LDAH: variants seen among roughly 807,000 people sequenced by gnomAD.
LDAH encodes the protein lipid droplet associated hydrolase.
LDAH carries 26 observed loss-of-function variants against 29.6 expected under a neutral mutation model. The observed-to-expected ratio is 0.88, with a 90% confidence interval of 0.64 to 1.22. LDAH has a LOEUF of 1.22. Among genes scored for constraint, LDAH ranks in the 50% most tolerant of loss-of-function variants. The pLI is 0.00. For synonymous variants in LDAH, 117 were observed against 133.0 expected (o/e 0.88, Z 0.83); for missense variants, 344 against 387.3 (o/e 0.89, Z 0.94).
intron 5 of LDAH, among the ~76,000 whole-genome samples, chr2:20,729,624 A>C (rs982197141): frequency 6.6e-6 from 1 of 152,220 alleles, no homozygotes; most frequent in African/African-American, 2.4e-5. Context: ...GGAAAGTGGT[A>C]TCCCTAGCTG....
chr2:20,705,082 C>T (rs1664209422), intron 5 of LDAH, among the ~76,000 whole-genome samples: 2 of 152,152 alleles, frequency 1.3e-5, no homozygotes, highest in Admixed American at 1.3e-4. Context: ...AGCACATTTT[C>T]CAGTAACTAA....
chr2:20,724,735 A>C (rs1420154001), intron 5 of LDAH, among the ~76,000 whole-genome samples: 1 of 152,254 alleles, frequency 6.6e-6, no homozygotes, highest in Non-Finnish European at 1.5e-5. Flanking sequence ...ATGTAGAGGC[A>C]ATTTAAACCA....
chr2:20,728,910 G>A (rs1343229863), intron 5 of LDAH, among the ~76,000 whole-genome samples: 2 of 152,166 alleles, frequency 1.3e-5, no homozygotes, highest in African/African-American at 4.8e-5. Flanking sequence ...AAAAGGAAAG[G>A]ATGTAAGAAA....
chr2:20,729,376 C>T (rs907015080), intron 5 of LDAH, among the ~76,000 whole-genome samples: 9 of 151,908 alleles, frequency 5.9e-5, no homozygotes, highest in African/African-American at 1.5e-4. Flanking sequence ...GTAAATATAC[C>T]GTTAAGAATA....
chr2:20,691,956 C>T (rs1457967198), intron 6 of LDAH, among the ~76,000 whole-genome samples: 1 of 152,162 alleles, frequency 6.6e-6, no homozygotes, highest in African/African-American at 2.4e-5. Context: ...TAAAATATCC[C>T]TGCAGGTTGC....
chr2:20,701,993 T>C (rs1001935600), intron 5 of LDAH, among the ~76,000 whole-genome samples: 1 of 152,132 alleles, frequency 6.6e-6, no homozygotes, highest in Admixed American at 6.6e-5. Flanking sequence ...GAAGTACAAA[T>C]TGTTACCAAT....
intron 4 of LDAH, among the ~76,000 whole-genome samples, chr2:20,754,971 T>C (rs936145731): frequency 6.6e-5 from 10 of 152,260 alleles, no homozygotes; most frequent in Non-Finnish European, 1.2e-4. Flanking sequence ...AAGTATTACA[T>C]CAATATTACA....
At chr2:20,766,616 T>C (rs1390575415) in intron 4 of LDAH, among the ~76,000 whole-genome samples, 1 of 152,274 alleles carries the variant, frequency 6.6e-6, no homozygotes, top group Non-Finnish European at 1.5e-5. Context: ...CTGTCTTGAC[T>C]GATCCACTGG....
At chr2:20,776,607 C>A (rs1473189806) in intron 3 of LDAH, among the ~76,000 whole-genome samples, 1 of 152,152 alleles carries the variant, frequency 6.6e-6, no homozygotes, top group Non-Finnish European at 1.5e-5. Flanking sequence ...CTCCACTTAA[C>A]AAGGAAGTTC....
At chr2:20,815,465 AT>A (rs1252341502) in intron 1 of LDAH, among the ~76,000 whole-genome samples, 2 of 152,168 alleles carry the variant, frequency 1.3e-5, no homozygotes, top group Non-Finnish European at 2.9e-5. Context: ...AAAAATAAAA[AT>A]AAAAGATACA....
intron 1 of LDAH, among the ~76,000 whole-genome samples, chr2:20,802,312 G>A (rs146083150): frequency 0.025 from 3,846 of 151,980 alleles, 164 homozygotes; most frequent in African/African-American, 0.088. Flanking sequence ...CACCCACCTC[G>A]GCCTCCCAAA....
intron 1 of LDAH, among the ~76,000 whole-genome samples, chr2:20,803,369 CT>C (rs1251659278): frequency 6.6e-6 from 1 of 152,230 alleles, no homozygotes; most frequent in Non-Finnish European, 1.5e-5. Flanking sequence ...TCCCCAGCCC[CT>C]CTCCTCAAAC....
At chr2:20,711,066 G>A (rs1403804551) in intron 5 of LDAH, among the ~76,000 whole-genome samples, 2 of 152,112 alleles carry the variant, frequency 1.3e-5, no homozygotes, top group Non-Finnish European at 2.9e-5. Context: ...TAGTAGGTAT[G>A]AAGATGGAAC....
At chr2:20,768,026 T>C (rs976047703) in intron 4 of LDAH, among the ~76,000 whole-genome samples, 4 of 152,162 alleles carry the variant, frequency 2.6e-5, no homozygotes, top group African/African-American at 7.2e-5. Flanking sequence ...ACACCCTGGC[T>C]ACACAGAGGA....
chr2:20,684,872 A>G lies in LDAH; in HGVS notation c.*2031T>C. 3 of 1,547,590 alleles carry G rather than the reference A, an allele frequency of 1.9e-6. No individual in the cohort carries two copies. The highest frequency in any genetic ancestry group is 2.6e-6 in the Non-Finnish European group (3 of 1,145,798). On this transcript the variant is annotated 3_prime_UTR_variant, in exon 7 of 7. Transcript: ENST00000237822. ...TCCACTGTTTGTCCATTTTAGTCTA[A>G]TCCCTAATGAAACAGAATGAACTTC...
intron 4 of LDAH, among the ~76,000 whole-genome samples, chr2:20,741,998 A>T (rs1667212735): frequency 6.6e-6 from 1 of 152,172 alleles, no homozygotes; most frequent in African/African-American, 2.4e-5. Context: ...AGCATCCTAT[A>T]AATTTTGATA....
intron 5 of LDAH, among the ~76,000 whole-genome samples, chr2:20,729,986 C>T (rs937228932): frequency 5.9e-5 from 9 of 152,084 alleles, no homozygotes; most frequent in African/African-American, 2.2e-4. Context: ...ATTTTTAACC[C>T]CTGGCAACCA....
chr2:20,782,724 T>C (rs1043980702), intron 3 of LDAH, among the ~76,000 whole-genome samples: 1 of 152,194 alleles, frequency 6.6e-6, no homozygotes, highest in Non-Finnish European at 1.5e-5. Flanking sequence ...CCCCCTTGGT[T>C]AGCCTGGCTA....
At position 20,789,060 on chromosome 2, in the gene LDAH, G is replaced by C. The variant is rs138738422; in HGVS notation, c.298+1195C>G. 22 of 1,448,866 alleles carry C rather than the reference G, an allele frequency of 1.5e-5. No individual in the cohort carries two copies. The African/African-American group carries it at 3.0e-4, about 19-fold the overall frequency. The allele number at this position is 1,448,866 out of a possible 1,614,324, so 89.8% of individuals were successfully genotyped here. On this transcript the variant is annotated intron_variant, in intron 3 of 6. Coordinates refer to ENST00000237822, the MANE Select transcript of LDAH (RefSeq NM_021925.4). ...AGCAGTAACATCGCTATTAAATCTT[G>C]CTCCCTTCTGTGCTACTCTTTCTGT...
Sources: allele counts gnomAD v4.1 joint callset (sites outside exome capture counted in the v4.1 genomes callset), GRCh38; gene constraint gnomAD v4.1.1; transcripts MANE v1.5; gene names NCBI Gene and HGNC (gene_info 2026-07-23, HGNC 2026-07-21).